The following PPP4R4 variants were observed in gnomAD, a reference collection of about 807,000 sequenced individuals.
The protein encoded by PPP4R4 is serine/threonine-protein phosphatase 4 regulatory subunit 4.
PPP4R4 carries 70 observed loss-of-function variants against 121.8 expected under a neutral mutation model. The observed-to-expected ratio is 0.57, with a 90% CI of 0.47 to 0.70. PPP4R4 has a LOEUF of 0.70. Ranked by LOEUF, PPP4R4 falls within the 30% of genes least tolerant of loss-of-function variation. The pLI, the probability that PPP4R4 is intolerant of heterozygous loss-of-function variation, is 0.00. For synonymous variants in PPP4R4, 348 were observed against 355.7 expected (o/e 0.98, Z 0.24); for missense variants, 875 against 1,033.6 (o/e 0.85, Z 2.10).
intron 19 of PPP4R4, among the ~76,000 whole-genome samples, chr14:94,260,221 C>CAA (rs764223757): frequency 6.6e-6 from 1 of 152,106 alleles, no homozygotes; most frequent in Non-Finnish European, 1.5e-5. Flanking sequence ...GTCAGGAGAT[C>CAA]AAGACCATCC....
intron 2 of PPP4R4, among the ~76,000 whole-genome samples, chr14:94,198,697 G>A (rs1015381768): frequency 6.6e-6 from 1 of 152,154 alleles, no homozygotes; most frequent in African/African-American, 2.4e-5. Flanking sequence ...ATTAAATTCT[G>A]TTTATTGTTT....
chr14:94,270,078 A>AT (rs1447073540), intron 23 of PPP4R4, among the ~76,000 whole-genome samples: 2 of 152,198 alleles, frequency 1.3e-5, no homozygotes, highest in East Asian at 3.8e-4. Context: ...TGTCATCTCA[A>AT]TTTTTCTGTA....
At chr14:94,248,353 G>C (rs1457322446) in intron 14 of PPP4R4, among the ~76,000 whole-genome samples, 2 of 152,202 alleles carry the variant, frequency 1.3e-5, no homozygotes, top group South Asian at 2.1e-4. Flanking sequence ...TCTAACCAAG[G>C]AGGCGAAAGA....
intron 19 of PPP4R4, among the ~76,000 whole-genome samples, chr14:94,263,309 T>C (rs527374334): frequency 3.9e-5 from 6 of 152,054 alleles, no homozygotes; most frequent in Non-Finnish European, 7.4e-5. Context: ...TTCTCAATTT[T>C]TAAAAAAACT....
chr14:94,239,430 T>C (rs982690598), intron 8 of PPP4R4, among the ~76,000 whole-genome samples: 3 of 144,516 alleles, frequency 2.1e-5, no homozygotes, highest in South Asian at 4.4e-4. Context: ...TTCCCACCTA[T>C]GAGTGAGAAC....
At chr14:94,218,948 C>A (rs1009160741) in intron 3 of PPP4R4, among the ~76,000 whole-genome samples, 2 of 151,634 alleles carry the variant, frequency 1.3e-5, no homozygotes, top group Middle Eastern at 6.4e-3. Context: ...AAATATATAC[C>A]CAGTTAAAAT....
intron 8 of PPP4R4, among the ~76,000 whole-genome samples, chr14:94,238,830 GA>G (rs1277843822): frequency 6.6e-6 from 1 of 152,124 alleles, no homozygotes; most frequent in East Asian, 1.9e-4. Flanking sequence ...ATTGTGTTTG[GA>G]AATTCCAGAA....
At chr14:94,199,305 G>T (rs569540851) in intron 2 of PPP4R4, among the ~76,000 whole-genome samples, 4 of 152,348 alleles carry the variant, frequency 2.6e-5, no homozygotes, top group African/African-American at 7.2e-5. Flanking sequence ...GGGGAGTGGC[G>T]TGCTTCTTTG....
At chr14:94,236,480 G>A (rs1396508554) in intron 7 of PPP4R4, among the ~76,000 whole-genome samples, 2 of 152,052 alleles carry the variant, frequency 1.3e-5, no homozygotes, top group Non-Finnish European at 2.9e-5. Flanking sequence ...TTTGCTGAAT[G>A]TTTGTGAAGT....
intron 2 of PPP4R4, among the ~76,000 whole-genome samples, chr14:94,200,715 T>A (rs994905306): frequency 6.6e-6 from 1 of 152,210 alleles, no homozygotes; most frequent in Admixed American, 6.5e-5. Context: ...CTTATTTGGA[T>A]CTTCTCTCTT....
chr14:94,204,779 G>A (rs1370004289), intron 2 of PPP4R4, among the ~76,000 whole-genome samples: 2 of 151,938 alleles, frequency 1.3e-5, no homozygotes, highest in Non-Finnish European at 2.9e-5. Flanking sequence ...TACAACTTCT[G>A]TACATATTTT....
intron 2 of PPP4R4, among the ~76,000 whole-genome samples, chr14:94,191,824 A>G (rs556631207): frequency 3.9e-5 from 6 of 152,294 alleles, no homozygotes; most frequent in African/African-American, 1.4e-4. Context: ...AACTCTTACA[A>G]AATTATCAAC....
chr14:94,253,190 G>GCTCA (rs1234790500), intron 16 of PPP4R4, among the ~76,000 whole-genome samples: 1 of 152,220 alleles, frequency 6.6e-6, no homozygotes, highest in East Asian at 1.9e-4. Context: ...GGGCGTCATG[G>GCTCA]CTCATGCCTG....
chr14:94,279,191 A>G lies in PPP4R4; in HGVS notation c.*548A>G, dbSNP rs142603316. The G allele has an allele frequency of 4.0e-3, 611 of 152,754 alleles. 7 individuals are homozygous for G. Among genetic ancestry groups the G allele is most frequent in the Non-Finnish European group, 5.1e-3 (345 of 68,038 alleles). 9.5% of individuals were successfully genotyped at this position (152,754 alleles called of 1,614,324 possible). On this transcript the variant is annotated 3_prime_UTR_variant, in exon 25 of 25. Coordinates refer to ENST00000304338, the MANE Select transcript of PPP4R4 (RefSeq NM_058237.2). The stretch of plus-strand genomic sequence containing the variant: ...TTTGGCGGCCCTCCGGATTGTGGTG[A>G]CAATATGTTGTACCCGGACATTCCC...
chr14:94,258,822 G>C lies in PPP4R4; in HGVS notation c.2050G>C (p.Ala684Pro), dbSNP rs1893615670. 1 of 1,587,758 alleles carries C rather than the reference G, an allele frequency of 6.3e-7. No homozygotes were observed. The highest frequency in any genetic ancestry group is 1.1e-5 in the South Asian group (1 of 90,420). The part of the protein sequence containing the change: ...ELDRMEMSMD[A>P]FQKKFYEKDL... ...GGACAGAATGGAAATGTCTATGGAT[G>C]CTGTAAGTATACTCTCTTTACCTTA... The change falls in exon 18 of 25, where the codon GCT becomes CCT. Residue 684 changes from alanine to proline, a missense_variant and splice_region_variant. Physicochemically the swap from Ala to Pro is conservative, Grantham distance 27. Coordinates refer to ENST00000304338, the MANE Select transcript of PPP4R4 (RefSeq NM_058237.2).
intron 23 of PPP4R4, among the ~76,000 whole-genome samples, chr14:94,272,278 C>T (rs1487157388): frequency 6.6e-6 from 1 of 152,114 alleles, no homozygotes; most frequent in South Asian, 2.1e-4. Context: ...CTACAGCGAT[C>T]AAGACAGTGT....
chr14:94,252,387 T>C (rs1893234544), intron 16 of PPP4R4, among the ~76,000 whole-genome samples: 1 of 152,182 alleles, frequency 6.6e-6, no homozygotes, highest in Non-Finnish European at 1.5e-5. Context: ...TAATTGCATT[T>C]GATTAACTGT....
chr14:94,203,828 G>C (rs1045367843), intron 2 of PPP4R4, among the ~76,000 whole-genome samples: 2 of 152,114 alleles, frequency 1.3e-5, no homozygotes, highest in African/African-American at 4.8e-5. Flanking sequence ...TTTGCAATCT[G>C]TATATCATCC....
chr14:94,250,541 T>C (rs947028810), intron 15 of PPP4R4, among the ~76,000 whole-genome samples: 2 of 152,008 alleles, frequency 1.3e-5, no homozygotes, highest in Admixed American at 1.3e-4. Context: ...GTATCTCCCC[T>C]GATGAAATAG....
Sources: allele counts gnomAD v4.1 joint callset (sites outside exome capture counted in the v4.1 genomes callset), GRCh38; gene constraint gnomAD v4.1.1; transcripts MANE v1.5; gene names NCBI Gene and HGNC (gene_info 2026-07-23, HGNC 2026-07-21).